The following SLC22A9 variants were observed in gnomAD, a reference collection of about 807,000 sequenced individuals.
The protein encoded by SLC22A9 is solute carrier family 22 member 9.
Under a neutral mutation model 50.1 loss-of-function variants are expected in SLC22A9, and 64 were observed. The ratio of observed to expected loss-of-function variants is 1.28; its 90% CI spans 1.04 to 1.57. SLC22A9 has a LOEUF of 1.57. SLC22A9 is among the 40% of genes most tolerant of loss of function. The pLI, the probability that SLC22A9 is intolerant of heterozygous loss-of-function variation, is 0.00. For synonymous variants in SLC22A9, 261 were observed against 242.5 expected, an observed-to-expected ratio of 1.08 and a Z score of -0.71; for missense variants, 757 against 676.1, an observed-to-expected ratio of 1.12 and a Z score of -1.33.
intron 6 of SLC22A9, among the ~76,000 whole-genome samples, chr11:63,401,536 A>T (rs1381550979): frequency 2.0e-5 from 3 of 152,168 alleles, no homozygotes; most frequent in Non-Finnish European, 4.4e-5. Flanking sequence ...CAATATTGTT[A>T]AAATGTCCCT....
At chr11:63,386,714 TTTC>T (rs1178517175) in intron 6 of SLC22A9, among the ~76,000 whole-genome samples, 1 of 151,768 alleles carries the variant, frequency 6.6e-6, no homozygotes, top group East Asian at 1.9e-4. Flanking sequence ...TCTTGTCTCT[TTTC>T]TTCTTTATTA....
At chr11:63,395,055 C>T (rs969957492) in intron 6 of SLC22A9, among the ~76,000 whole-genome samples, 2 of 151,822 alleles carry the variant, frequency 1.3e-5, no homozygotes, top group African/African-American at 2.4e-5. Flanking sequence ...GAGCATTTTG[C>T]ATTTCTATAA....
chr11:63,401,416 T>G lies in SLC22A9; in HGVS notation c.1074-5081T>G, dbSNP rs574924320. ...CTCATTTGCAATTCGTTACAAAAAG[T>G]AAAATACCTAGTAATAAACTACACC... On this transcript the variant is annotated intron_variant, in intron 6 of 9. Transcript: ENST00000279178. 3.2e-4 allele frequency among the ~76,000 whole-genome samples: 49 copies of G among 152,002 alleles called. 2 individuals are homozygous for G. In the South Asian group the frequency reaches 9.6e-3, roughly 30 times the overall value.
Position 63,370,292 on chromosome 11 carries a change from T to C in SLC22A9, c.236T>C (p.Leu79Pro), listed in dbSNP as rs1225728176. Residue 79 changes from leucine to proline, a missense_variant, in exon 1 of 10, where the codon CTG becomes CCG. Physicochemically the swap from Leu to Pro is moderately conservative, Grantham distance 98. Transcript: ENST00000279178. Reference protein sequence around the residue: ...QDALLRISIPLDSNMRPEKCR... With the variant: ...QDALLRISIPPDSNMRPEKCR... ...GCACTCTTGAGAATCTCCATCCCAC[T>C]GGACTCAAACATGAGGCCAGAGAAG... is the stretch of plus-strand genomic sequence containing the variant. The C allele has an allele frequency of 1.9e-6, 3 of 1,614,040 alleles. No individual in the cohort carries two copies. The highest frequency in any genetic ancestry group is 2.5e-6 in the Non-Finnish European group (3 of 1,179,908).
Position 63,379,126 on chromosome 11 carries a change from G to A in SLC22A9, c.955-3033G>A, listed in dbSNP as rs553171191. Among the ~76,000 whole-genome samples, 530 of 152,082 alleles carry A rather than the reference G, an allele frequency of 3.5e-3. 5 individuals are homozygous for A. Among genetic ancestry groups the A allele is most frequent in the African/African-American group, 0.012 (501 of 41,506 alleles). ...ACTATCTGACTTTGAACCATACTAC[G>A]AGAACACAGTAACCAAAACAGCATG... is the stretch of plus-strand genomic sequence containing the variant. On this transcript the variant is annotated intron_variant, in intron 5 of 9. Coordinates refer to ENST00000279178, the MANE Select transcript of SLC22A9 (RefSeq NM_080866.3).
At chr11:63,380,613 T>C (rs546946501) in intron 5 of SLC22A9, among the ~76,000 whole-genome samples, 2 of 152,318 alleles carry the variant, frequency 1.3e-5, no homozygotes, top group Admixed American at 6.5e-5. Context: ...TTCTCACTTA[T>C]ATATAGGAGC....
At chr11:63,380,474 A>G (rs997444024) in intron 5 of SLC22A9, among the ~76,000 whole-genome samples, 1 of 152,182 alleles carries the variant, frequency 6.6e-6, no homozygotes, top group African/African-American at 2.4e-5. Flanking sequence ...AAGGAAATGT[A>G]ATGCATATAC....
At chr11:63,375,361 G>A (rs1012411683) in intron 4 of SLC22A9, among the ~76,000 whole-genome samples, 1 of 152,096 alleles carries the variant, frequency 6.6e-6, no homozygotes, top group Non-Finnish European at 1.5e-5. Flanking sequence ...TACAAGTGAC[G>A]GTCCTTCATG....
At chr11:63,372,184 A>G (rs1365011126) in intron 2 of SLC22A9, among the ~76,000 whole-genome samples, 4 of 152,174 alleles carry the variant, frequency 2.6e-5, no homozygotes, top group African/African-American at 9.7e-5. Context: ...GCTAAAGACG[A>G]AGGGACAAGA....
At chr11:63,396,818 T>C (rs1456636609) in intron 6 of SLC22A9, among the ~76,000 whole-genome samples, 1 of 152,192 alleles carries the variant, frequency 6.6e-6, no homozygotes, top group Non-Finnish European at 1.5e-5. Flanking sequence ...CCATTCTGAA[T>C]TCTCTGTGTG....
At chr11:63,409,008 G>A in intron 9 of SLC22A9, 129 bp downstream of exon 9, 1 of 983,194 alleles carries the variant, frequency 1.0e-6, no homozygotes, top group Non-Finnish European at 1.6e-6. Flanking sequence ...CATGTAATCA[G>A]TGCCTTAGGT....
At chr11:63,379,200 C>T (rs1261897453) in intron 5 of SLC22A9, among the ~76,000 whole-genome samples, 2 of 152,098 alleles carry the variant, frequency 1.3e-5, no homozygotes, top group Non-Finnish European at 2.9e-5. Flanking sequence ...GGCTAGAGCA[C>T]TGAGAAATAA....
rs2015040037 is a variant in SLC22A9 at position 63,406,514 on chromosome 11, C to A, written c.1091C>A (p.Ala364Asp). 6.2e-7 allele frequency: 1 copy of A among 1,613,490 alleles called. No individual in the cohort carries two copies. The highest frequency in any genetic ancestry group is 1.7e-5 in the Admixed American group (1 of 59,920). The change falls in exon 7 of 10, where the codon GCC (alanine) becomes GAC (aspartate). Residue 364 changes from alanine to aspartate, a missense_variant. By Grantham distance (126) the Ala-to-Asp change is moderately radical. Transcript: ENST00000279178. ...LSFTRFANFMAYFGLNLHVQH... is the reference protein window; with the variant it reads ...LSFTRFANFMDYFGLNLHVQH... ...CATCACAGATTTGCAAACTTTATGGCCTATTTTGGCCTTAATCTCCATGTC... is the reference window on the plus strand; with the variant it reads ...CATCACAGATTTGCAAACTTTATGGACTATTTTGGCCTTAATCTCCATGTC...
intron 4 of SLC22A9, among the ~76,000 whole-genome samples, chr11:63,374,980 G>C (rs545640492): frequency 6.6e-6 from 1 of 152,204 alleles, no homozygotes; most frequent in Non-Finnish European, 1.5e-5. Flanking sequence ...AAAAAAGCCA[G>C]TTCAGTGAAA....
At chr11:63,374,162 G>A (rs1263180867) in intron 4 of SLC22A9, 100 bp downstream of exon 4, 1 of 1,139,852 alleles carries the variant, frequency 8.8e-7, no homozygotes, top group African/African-American at 1.6e-5. Flanking sequence ...GTGTAAACCT[G>A]AGAGCACGTC....
At position 63,408,741 on chromosome 11, in the gene SLC22A9, T is replaced by C; in HGVS notation, c.1463T>C (p.Met488Thr). The change falls in exon 9 of 10, where the codon ATG becomes ACG. Residue 488 changes from methionine to threonine, a missense_variant. Transcript: ENST00000279178. ...GCAGGAGCCCTGGCTCCCCTCATGA[T>C]GATCCTAAGTGTGTATTCTCCACCC... ...NIAGALAPLM[M>T]ILSVYSPPLP... 1 of 1,614,060 alleles carries C rather than the reference T, an allele frequency of 6.2e-7. No homozygotes were observed. The highest frequency in any genetic ancestry group is 8.5e-7 in the Non-Finnish European group (1 of 1,179,952).
At chr11:63,409,011 C>A (rs551960438) in intron 9 of SLC22A9, 132 bp downstream of exon 9, 8 of 968,546 alleles carry the variant, frequency 8.3e-6, no homozygotes, top group African/African-American at 3.2e-5. Context: ...GTAATCAGTG[C>A]CTTAGGTCTA....
At chr11:63,379,441 C>T (rs1214999971) in intron 5 of SLC22A9, among the ~76,000 whole-genome samples, 3 of 152,158 alleles carry the variant, frequency 2.0e-5, no homozygotes, top group Non-Finnish European at 2.9e-5. Flanking sequence ...CCATTCTGGA[C>T]AAAGGCCCTG....
chr11:63,409,856 G>C lies in SLC22A9; in HGVS notation c.1656G>C (p.Gln552His). Residue 552 changes from glutamine (Q) to histidine (H), a missense_variant, in exon 10 of 10, where the codon CAG (glutamine) becomes CAC (histidine). Gln to His is a conservative substitution (Grantham distance 24). Transcript: ENST00000279178. Reference protein sequence around the residue: ...KQEDPRVEVTQF With the variant: ...KQEDPRVEVTHF ...AGGATCCGAGAGTGGAAGTGACGCA[G>C]TTTTAAGGAATTCCAGGAGCTGACT... 2.5e-6 allele frequency: 4 copies of C among 1,613,618 alleles called. No homozygotes were observed. The highest frequency in any genetic ancestry group is 3.4e-6 in the Non-Finnish European group (4 of 1,179,766).
Sources: allele counts gnomAD v4.1 joint callset (sites outside exome capture counted in the v4.1 genomes callset), GRCh38; gene constraint gnomAD v4.1.1; transcripts MANE v1.5; gene names NCBI Gene and HGNC (gene_info 2026-07-23, HGNC 2026-07-21).